The following DNER variants were observed in gnomAD, a reference collection of about 807,000 sequenced individuals.
DNER encodes delta/notch like EGF repeat containing.
DNER carries 33 observed loss-of-function variants against 78.2 expected under a neutral mutation model. The observed-to-expected ratio is 0.42, with a 90% CI of 0.32 to 0.56. The LOEUF (loss-of-function observed/expected upper bound fraction) is 0.56. DNER is among the 20% of genes least tolerant of loss of function. DNER has a pLI of 0.11. For synonymous variants in DNER, 417 were observed against 384.8 expected, an observed-to-expected ratio of 1.08 and a Z score of -0.98; for missense variants, 918 against 975.3, an observed-to-expected ratio of 0.94 and a Z score of 0.78.
intron 7 of DNER, among the ~76,000 whole-genome samples, chr2:229,460,742 T>C (rs1425835901): frequency 6.6e-6 from 1 of 152,142 alleles, no homozygotes; most frequent in African/African-American, 2.4e-5. Context: ...CAATGCATGT[T>C]ACAGGTTTGT....
chr2:229,445,390 C>A (rs537882117), intron 8 of DNER, among the ~76,000 whole-genome samples: 2 of 152,330 alleles, frequency 1.3e-5, no homozygotes, highest in East Asian at 3.9e-4. Flanking sequence ...AGTGGAGAAA[C>A]TGTTTCACTT....
At chr2:229,400,950 T>C (rs546120635) in intron 10 of DNER, among the ~76,000 whole-genome samples, 1 of 152,188 alleles carries the variant, frequency 6.6e-6, no homozygotes, top group East Asian at 1.9e-4. Flanking sequence ...TCAACGTCAA[T>C]GATCATAAAT....
intron 1 of DNER, among the ~76,000 whole-genome samples, chr2:229,624,380 A>G (rs1698301590): frequency 6.6e-6 from 1 of 152,232 alleles, no homozygotes; most frequent in Admixed American, 6.5e-5. Context: ...CTGCAGCAAG[A>G]CACCTACTAG....
chr2:229,460,176 A>T (rs1437120700), intron 7 of DNER, among the ~76,000 whole-genome samples: 2 of 150,342 alleles, frequency 1.3e-5, no homozygotes, highest in Non-Finnish European at 3.0e-5. Flanking sequence ...AAAAAAAAAA[A>T]AAAAAATTAT....
Position 229,475,937 on chromosome 2 carries a change from A to G in DNER, c.1261+1203T>C, listed in dbSNP as rs1456588440. On this transcript the variant is annotated intron_variant, in intron 7 of 12. Transcript: ENST00000341772. Reference sequence around the variant, plus strand: ...TAACCAAGGGCGTGACAGAGCTTTAAGAACTGCAAAGTGCTCTATGTGAGT... The same window carrying G: ...TAACCAAGGGCGTGACAGAGCTTTAGGAACTGCAAAGTGCTCTATGTGAGT... Among the ~76,000 whole-genome samples the G allele has an allele frequency of 2.0e-5, 3 of 152,220 alleles. No homozygotes were observed. The East Asian group carries it at 5.8e-4, about 29-fold the overall frequency.
At chr2:229,552,331 T>C (rs1487210263) in intron 4 of DNER, among the ~76,000 whole-genome samples, 2 of 152,200 alleles carry the variant, frequency 1.3e-5, no homozygotes, top group Non-Finnish European at 2.9e-5. Flanking sequence ...ATGGTAAATG[T>C]TTGGCCCAAT....
At chr2:229,680,250 A>T (rs1403884328) in intron 1 of DNER, among the ~76,000 whole-genome samples, 2 of 152,186 alleles carry the variant, frequency 1.3e-5, no homozygotes, top group African/African-American at 4.8e-5. Flanking sequence ...AGGAGTATGG[A>T]CACATCAATA....
At chr2:229,546,827 AGAC>A in intron 5 of DNER, 117 bp downstream of exon 5, 1 of 1,393,364 alleles carries the variant, frequency 7.2e-7, no homozygotes, top group South Asian at 1.3e-5. Flanking sequence ...ACAGACAGAC[AGAC>A]AGATAGATAG....
At chr2:229,373,759 T>C (rs979991180) in intron 11 of DNER, among the ~76,000 whole-genome samples, 2 of 151,994 alleles carry the variant, frequency 1.3e-5, no homozygotes, top group Non-Finnish European at 2.9e-5. Context: ...CATGCAGCCA[T>C]AAAAAAAGAG....
intron 1 of DNER, among the ~76,000 whole-genome samples, chr2:229,673,408 C>G (rs917934185): frequency 6.6e-6 from 1 of 152,178 alleles, no homozygotes; most frequent in African/African-American, 2.4e-5. Context: ...CTTCCACAGG[C>G]TTTTGGACTT....
At chr2:229,586,586 A>G in intron 3 of DNER, 2 of 887,556 alleles carry the variant, frequency 2.3e-6, no homozygotes, top group Non-Finnish European at 2.7e-6. Context: ...AGGATGTCAC[A>G]GAAAGCCCAT....
chr2:229,480,179 A>C (rs1006158296), intron 6 of DNER, among the ~76,000 whole-genome samples: 2 of 152,252 alleles, frequency 1.3e-5, no homozygotes, highest in African/African-American at 4.8e-5. Flanking sequence ...TTAAACATAG[A>C]GAGATGAGGT....
chr2:229,680,628 C>A lies in DNER; in HGVS notation c.276+33520G>T, dbSNP rs540987606. On this transcript the variant is annotated intron_variant, in intron 1 of 12. Transcript: ENST00000341772. Reference sequence around the variant, plus strand: ...TCCCTCACAAAAGCAGGCAAGCAAGCTCTTCATGCCCTTTTAAGCAGTGCT... The same window carrying A: ...TCCCTCACAAAAGCAGGCAAGCAAGATCTTCATGCCCTTTTAAGCAGTGCT... 3.9e-5 allele frequency among the ~76,000 whole-genome samples: 6 copies of A among 152,334 alleles called. No homozygotes were observed. In the South Asian group the frequency reaches 6.2e-4, roughly 16 times the overall value.
intron 10 of DNER, among the ~76,000 whole-genome samples, chr2:229,388,743 T>A (rs146470220): frequency 2.9e-3 from 433 of 147,758 alleles, no homozygotes; most frequent in Non-Finnish European, 5.1e-3. Context: ...TCTGAATAAA[T>A]CTTTCCGGGT....
chr2:229,447,229 C>T, intron 8 of DNER, 87 bp downstream of exon 8: 1 of 1,343,030 alleles, frequency 7.4e-7, no homozygotes, highest in East Asian at 2.5e-5. Flanking sequence ...TACAAGTATA[C>T]CAAGATGCAA....
chr2:229,603,156 T>C (rs150273667), intron 1 of DNER, among the ~76,000 whole-genome samples: 3 of 152,134 alleles, frequency 2.0e-5, no homozygotes, highest in African/African-American at 7.2e-5. Context: ...TCAAGCCATA[T>C]GCAAAAATAA....
At chr2:229,376,200 C>G (rs917456423) in intron 11 of DNER, among the ~76,000 whole-genome samples, 1 of 152,046 alleles carries the variant, frequency 6.6e-6, no homozygotes, top group Non-Finnish European at 1.5e-5. Flanking sequence ...AACTAATCAA[C>G]GAAGCGATGG....
Position 229,358,559 on chromosome 2 carries a change from A to C in DNER, c.2195T>G (p.Ile732Ser). The C allele has an allele frequency of 6.2e-7, 1 of 1,611,902 alleles. No individual in the cohort carries two copies. ...AAAAGATTACAAATCTTTAGTTTTA[A>C]TCAGTGTGACCAAGGGTTTGTCATC... ...SPDDKPLVTL[I>S]KTKDL The change falls in exon 13 of 13, where the codon ATT becomes AGT. Residue 732 changes from isoleucine to serine, a missense_variant. By Grantham distance (142) the Ile-to-Ser change is moderately radical. Transcript: ENST00000341772.
At chr2:229,523,510 T>C (rs1696143684) in intron 5 of DNER, among the ~76,000 whole-genome samples, 1 of 152,216 alleles carries the variant, frequency 6.6e-6, no homozygotes. Context: ...CCTTTCTTAT[T>C]GGATGAGGAC....
Sources: allele counts gnomAD v4.1 joint callset (sites outside exome capture counted in the v4.1 genomes callset), GRCh38; gene constraint gnomAD v4.1.1; transcripts MANE v1.5; gene names NCBI Gene and HGNC (gene_info 2026-07-23, HGNC 2026-07-21).